PREX2: variants seen among roughly 807,000 people sequenced by gnomAD.
PREX2 encodes the protein phosphatidylinositol-3,4,5-trisphosphate dependent Rac exchange factor 2, also known as phosphatidylinositol 3,4,5-trisphosphate-dependent Rac exchanger 2 protein.
A neutral mutation model predicts 203.2 loss-of-function variants in PREX2; 107 were observed. The ratio of observed to expected loss-of-function variants is 0.53; its 90% CI spans 0.45 to 0.62. The LOEUF (loss-of-function observed/expected upper bound fraction) is 0.62, where lower values mean the gene tolerates loss of function less well. Among genes scored for constraint, PREX2 ranks in the 20% least tolerant of loss-of-function variants. The pLI is 0.00. For missense variants in PREX2, 1,777 were observed against 1,955.9 expected, an observed-to-expected ratio of 0.91 and a Z score of 1.72; for synonymous variants, 672 against 663.6, an observed-to-expected ratio of 1.01 and a Z score of -0.19.
At chr8:67,959,665 T>C (rs1487511774) in intron 1 of PREX2, among the ~76,000 whole-genome samples, 2 of 152,160 alleles carry the variant, frequency 1.3e-5, no homozygotes, top group Non-Finnish European at 2.9e-5. Context: ...TAGTAAAACA[T>C]AGTAAAACTA....
rs1195419758 is a variant in PREX2 at position 68,019,598 on chromosome 8, T to A, written c.263T>A (p.Leu88Ter). Residue 88 changes from leucine (L) to a stop codon, truncating the protein, a stop_gained, in exon 3 of 40, where the codon TTA (leucine) becomes TAA (stop). Transcript: ENST00000288368. LOFTEE classifies it high-confidence loss of function. ...ATCCTTGCAGTACATAAAGAATTCTTAAAAGTCGTGGAAGAATGCTTACAC... is the reference window on the plus strand; with the variant it reads ...ATCCTTGCAGTACATAAAGAATTCTAAAAAGTCGTGGAAGAATGCTTACAC... ...EDILAVHKEF[L>*]KVVEECLHPE... is the part of the protein sequence containing the mutation. The A allele has an allele frequency of 6.2e-7, 1 of 1,613,198 alleles. No homozygotes were observed.
chr8:67,954,140 A>G (rs1277703407), intron 1 of PREX2, among the ~76,000 whole-genome samples: 1 of 152,190 alleles, frequency 6.6e-6, no homozygotes, highest in African/African-American at 2.4e-5. Flanking sequence ...CTGTTAGTAT[A>G]TAGAGTTAGG....
In PREX2 at chr8:68,049,263, A is replaced by G. The variant is rs564737380; in HGVS notation, c.944-3834A>G. On this transcript the variant is annotated intron_variant, in intron 8 of 39. Coordinates refer to ENST00000288368, the MANE Select transcript of PREX2 (RefSeq NM_024870.4). ...TATTTATGAAGAAATTATAAGTTTT[A>G]AAGTTTCCCTTAGAAATTTATGCAT... Among the ~76,000 whole-genome samples the G allele has an allele frequency of 3.9e-5, 6 of 151,984 alleles. No individual in the cohort carries two copies. The South Asian group carries it at 1.2e-3, about 32-fold the overall frequency.
At chr8:68,157,934 C>T (rs1171213284) in intron 35 of PREX2, among the ~76,000 whole-genome samples, 1 of 151,616 alleles carries the variant, frequency 6.6e-6, no homozygotes, top group Non-Finnish European at 1.5e-5. Flanking sequence ...CTGTCTTTTT[C>T]CCCCCAAAAA....
intron 37 of PREX2, among the ~76,000 whole-genome samples, chr8:68,212,069 C>G (rs113120091): frequency 6.6e-6 from 1 of 152,136 alleles, no homozygotes; most frequent in Non-Finnish European, 1.5e-5. Context: ...CTCTGATGCC[C>G]AAGGCTCTGC....
chr8:67,975,062 C>A (rs9886637), intron 1 of PREX2, among the ~76,000 whole-genome samples: 9,151 of 152,108 alleles, frequency 0.06, 326 homozygotes, highest in Non-Finnish European at 0.089. Flanking sequence ...CTTTATTATT[C>A]TTCTTCTCAA....
intron 23 of PREX2, chr8:68,101,450 G>T (rs1345264367): frequency 5.8e-6 from 3 of 518,746 alleles, no homozygotes; most frequent in Middle Eastern, 3.2e-4. Flanking sequence ...TGCCACATTT[G>T]TTAATCTGCT....
intron 5 of PREX2, among the ~76,000 whole-genome samples, chr8:68,029,949 A>C (rs889224031): frequency 6.6e-6 from 1 of 152,178 alleles, no homozygotes; most frequent in Admixed American, 6.6e-5. Context: ...AAAACAGCAT[A>C]AATAGCTCCT....
intron 35 of PREX2, among the ~76,000 whole-genome samples, chr8:68,157,656 T>C (rs1041821407): frequency 6.6e-6 from 1 of 152,084 alleles, no homozygotes; most frequent in African/African-American, 2.4e-5. Context: ...TTATGCAAAT[T>C]TAAAAATTTC....
At chr8:68,012,561 T>G (rs910576882) in intron 1 of PREX2, among the ~76,000 whole-genome samples, 11 of 152,150 alleles carry the variant, frequency 7.2e-5, no homozygotes, top group Admixed American at 2.0e-4. Flanking sequence ...TTTGAGTAAT[T>G]CAGGTGTGGG....
chr8:68,181,339 A>G (rs899706327), intron 35 of PREX2, among the ~76,000 whole-genome samples: 1 of 152,164 alleles, frequency 6.6e-6, no homozygotes, highest in Non-Finnish European at 1.5e-5. Context: ...TAATGTCTGT[A>G]TATCTATAAT....
At chr8:68,173,904 A>G (rs554221392) in intron 35 of PREX2, among the ~76,000 whole-genome samples, 1 of 152,322 alleles carries the variant, frequency 6.6e-6, no homozygotes, top group South Asian at 2.1e-4. Context: ...TGGAAGTGTC[A>G]AAGGAAAAAT....
At chr8:68,027,381 G>C (rs1478558203) in intron 5 of PREX2, 58 bp downstream of exon 5, 8 of 1,094,242 alleles carry the variant, frequency 7.3e-6, no homozygotes, top group Non-Finnish European at 5.6e-6. Context: ...TTTTGCTGAT[G>C]ATCTTTTTAA....
intron 35 of PREX2, among the ~76,000 whole-genome samples, chr8:68,163,620 G>T (rs779796496): frequency 6.6e-6 from 1 of 152,136 alleles, no homozygotes; most frequent in Non-Finnish European, 1.5e-5. Flanking sequence ...ATTTAAATAC[G>T]TGAAAAGCAG....
chr8:68,215,865 T>C (rs1812827633), intron 37 of PREX2, among the ~76,000 whole-genome samples: 1 of 152,178 alleles, frequency 6.6e-6, no homozygotes, highest in African/African-American at 2.4e-5. Flanking sequence ...CATGAACTAT[T>C]AGTTATTACT....
At chr8:68,056,001 C>G in intron 10 of PREX2, 27 bp downstream of exon 10, 2 of 1,582,690 alleles carry the variant, frequency 1.3e-6, no homozygotes, top group East Asian at 4.5e-5. Flanking sequence ...GGGTGCATGA[C>G]TTTCTTTTAC....
At chr8:67,998,321 G>T (rs1253171522) in intron 1 of PREX2, among the ~76,000 whole-genome samples, 1 of 152,218 alleles carries the variant, frequency 6.6e-6, no homozygotes, top group African/African-American at 2.4e-5. Context: ...AGTGGGGAAA[G>T]TTCTGTGTGC....
Position 68,080,568 on chromosome 8 carries a change from A to G in PREX2, c.1768A>G (p.Ile590Val). 6.2e-7 allele frequency: 1 copy of G among 1,604,688 alleles called. No homozygotes were observed. Among genetic ancestry groups the G allele is most frequent in the Non-Finnish European group, 8.5e-7 (1 of 1,172,986 alleles). Residue 590 changes from isoleucine to valine, a missense_variant, in exon 16 of 40, where the codon ATA (isoleucine) becomes GTA (valine). By Grantham distance (29) the Ile-to-Val change is conservative. Transcript: ENST00000288368. ...KHDLKVVENV[I>V]AKSLLIKSNE... ...TGACTTAAAAGTTGTGGAAAATGTT[A>G]TAGCTAAGTCATTATTGGTAAGTTT...
At chr8:68,054,312 A>T (rs1808608565) in intron 9 of PREX2, among the ~76,000 whole-genome samples, 1 of 152,152 alleles carries the variant, frequency 6.6e-6, no homozygotes, top group South Asian at 2.1e-4. Context: ...AATAGTTAAA[A>T]GGTGAATCAA....
Sources: gnomAD v4.1 joint callset for allele counts (sites outside exome capture counted in the v4.1 genomes callset) on GRCh38, gnomAD v4.1.1 for gene constraint, MANE v1.5 for transcripts, NCBI Gene and HGNC (gene_info 2026-07-23, HGNC 2026-07-21) for gene names.